Variants in IRGQ observed in about 807,000 individuals in gnomAD.
IRGQ encodes the protein immunity-related GTPase family Q protein.
IRGQ carries 5 observed loss-of-function variants against 10.5 expected under a neutral mutation model. The observed-to-expected ratio is 0.48, with a 90% CI of 0.25 to 1.00. The LOEUF is 1.00. Among genes scored for constraint, IRGQ ranks in the 50% least tolerant of loss-of-function variants. The pLI is 0.16. For missense variants in IRGQ, 792 were observed against 877.7 expected (o/e 0.90, Z 1.23); for synonymous variants, 418 against 426.0 (o/e 0.98, Z 0.23).
At position 43,591,090 on chromosome 19, in the gene IRGQ, C is replaced by G. The variant is rs951611014; in HGVS notation, c.*936G>C. On this transcript the variant is annotated 3_prime_UTR_variant, in exon 3 of 3. Transcript: ENST00000422989. ...GAGATCAAGAAGTCTCCAGCTTTCT[C>G]GCACAAGCCCCCGATCCCTCCTCCA... is the stretch of plus-strand genomic sequence containing the variant. 1.3e-5 allele frequency: 2 copies of G among 152,266 alleles called. No homozygotes were observed. The highest frequency in any genetic ancestry group is 2.9e-5 in the Non-Finnish European group (2 of 68,112). The allele number at this position is 152,266 out of a possible 1,614,324, so 9.4% of individuals were successfully genotyped here.
Position 43,592,687 on chromosome 19 carries a change from C to G in IRGQ, c.1211G>C (p.Gly404Ala), listed in dbSNP as rs1163987650. ...LQQVVGMKKS[G>A]GGDSERAAAL... ...AGCGGCCCGCTCTGAGTCGCCACCA[C>G]CTGATTTCTTCATGCCGACAACCTG... Residue 404 changes from glycine to alanine, a missense_variant, in exon 3 of 3, where the codon GGT (glycine) becomes GCT (alanine). By Grantham distance (60) the Gly-to-Ala change is moderately conservative. Coordinates refer to ENST00000422989, the MANE Select transcript of IRGQ (RefSeq NM_001007561.3). 1 of 1,608,162 alleles carries G rather than the reference C, an allele frequency of 6.2e-7. No homozygotes were observed. The highest frequency in any genetic ancestry group is 1.1e-5 in the South Asian group (1 of 91,090).
Position 43,586,635 on chromosome 19 carries a change from A to G in IRGQ, c.*5391T>C, listed in dbSNP as rs1033580030. ...GCAGAAAAATGAGGAGCACACTCCGAGCAAAGGCATGGGGGTGAGACAAAG... is the reference window on the plus strand; with the variant it reads ...GCAGAAAAATGAGGAGCACACTCCGGGCAAAGGCATGGGGGTGAGACAAAG... On this transcript the variant is annotated 3_prime_UTR_variant, in exon 3 of 3. Transcript: ENST00000422989. 6.6e-6 allele frequency: 1 copy of G among 152,272 alleles called. No individual in the cohort carries two copies. Among genetic ancestry groups the G allele is most frequent in the Admixed American group, 6.5e-5 (1 of 15,284 alleles). The allele number at this position is 152,272 out of a possible 1,614,324, so 9.4% of individuals were successfully genotyped here. A position where few individuals can be genotyped will look rare whatever the true frequency, so the allele number is the denominator to read the frequency against.
chr19:43,592,684 C>A lies in IRGQ; in HGVS notation c.1214G>T (p.Gly405Val), dbSNP rs1973076606. ...QQVVGMKKSG[G>V]GDSERAAALS... ...CGCAGCGGCCCGCTCTGAGTCGCCA[C>A]CACCTGATTTCTTCATGCCGACAAC... The change falls in exon 3 of 3, where the codon GGT becomes GTT. Residue 405 changes from glycine (G) to valine (V), a missense_variant. Coordinates refer to ENST00000422989, the MANE Select transcript of IRGQ (RefSeq NM_001007561.3). The A allele has an allele frequency of 3.7e-6, 6 of 1,607,818 alleles. No homozygotes were observed. The highest frequency in any genetic ancestry group is 5.1e-6 in the Non-Finnish European group (6 of 1,179,994).
In IRGQ at chr19:43,595,125, C is replaced by T; in HGVS notation, c.214G>A (p.Ala72Thr). ...AGTACCAGCACGTTGGCTTCCGCCG[C>T]CCAGGGCCCCGGCGCTGCGGGTGGG... is the stretch of plus-strand genomic sequence containing the variant. ...SCPPAAPGPW[A>T]AEANVLVLVL... The change falls in exon 2 of 3, where the codon GCG becomes ACG. Residue 72 changes from alanine (A) to threonine (T), a missense_variant. Ala to Thr is a moderately conservative substitution (Grantham distance 58). Coordinates refer to ENST00000422989, the MANE Select transcript of IRGQ (RefSeq NM_001007561.3). The T allele has an allele frequency of 6.2e-7, 1 of 1,600,112 alleles. No homozygotes were observed. The highest frequency in any genetic ancestry group is 8.5e-7 in the Non-Finnish European group (1 of 1,172,636).
In IRGQ at chr19:43,587,506, G is replaced by A. The variant is rs1397775414; in HGVS notation, c.*4520C>T. 1 of 152,192 alleles carries A rather than the reference G, an allele frequency of 6.6e-6. No individual in the cohort carries two copies. Among genetic ancestry groups the A allele is most frequent in the Non-Finnish European group, 1.5e-5 (1 of 68,048 alleles). The allele number at this position is 152,192 out of a possible 1,614,324, so 9.4% of individuals were successfully genotyped here. A position where few individuals can be genotyped will look rare whatever the true frequency, so the allele number is the denominator to read the frequency against. ...TTTATGAAATCAAAATAAAGGTCAA[G>A]CATTTCAGATAAAAATGTACCATGG... On this transcript the variant is annotated 3_prime_UTR_variant, in exon 3 of 3. Transcript: ENST00000422989.
chr19:43,592,903 T>G lies in IRGQ; in HGVS notation c.995A>C (p.Asp332Ala). 1 of 1,612,916 alleles carries G rather than the reference T, an allele frequency of 6.2e-7. No homozygotes were observed. The highest frequency in any genetic ancestry group is 8.5e-7 in the Non-Finnish European group (1 of 1,180,022). ...ACACTCCGGATCCTCGCCCTCGCCG[T>G]CTGTGCGCACGCAGACAAGAGGCGC... ...PDAPLVCVRT[D>A]GEGEDPECLG... Residue 332 changes from aspartate (D) to alanine (A), a missense_variant, in exon 3 of 3, where the codon GAC (aspartate) becomes GCC (alanine). Coordinates refer to ENST00000422989, the MANE Select transcript of IRGQ (RefSeq NM_001007561.3).
intron 2 of IRGQ, among the ~76,000 whole-genome samples, chr19:43,594,480 C>T (rs569591831): frequency 2.8e-4 from 42 of 151,888 alleles, no homozygotes; most frequent in African/African-American, 1.0e-3. Context: ...AGGTGGAGGC[C>T]GTCAGTGAGC....
chr19:43,595,112 T>C lies in IRGQ; in HGVS notation c.227A>G (p.Asn76Ser). The change falls in exon 2 of 3, where the codon AAC becomes AGC. Residue 76 changes from asparagine to serine, a missense_variant. By Grantham distance (46) the Asn-to-Ser change is conservative. Coordinates refer to ENST00000422989, the MANE Select transcript of IRGQ (RefSeq NM_001007561.3). Reference sequence around the variant, plus strand: ...TCCGGGCAGCACCAGTACCAGCACGTTGGCTTCCGCCGCCCAGGGCCCCGG... The same window carrying C: ...TCCGGGCAGCACCAGTACCAGCACGCTGGCTTCCGCCGCCCAGGGCCCCGG... ...AAPGPWAAEANVLVLVLPGPE... is the reference protein window; with the variant it reads ...AAPGPWAAEASVLVLVLPGPE... The C allele has an allele frequency of 1.2e-6, 2 of 1,603,630 alleles. No homozygotes were observed. Among genetic ancestry groups the C allele is most frequent in the Non-Finnish European group, 1.7e-6 (2 of 1,174,238 alleles).
chr19:43,592,544 G>C lies in IRGQ; in HGVS notation c.1354C>G (p.Pro452Ala), dbSNP rs777118770. The C allele has an allele frequency of 6.3e-6, 10 of 1,596,870 alleles. No individual in the cohort carries two copies. Among genetic ancestry groups the C allele is most frequent in the African/African-American group, 4.0e-5 (3 of 74,868 alleles). The change falls in exon 3 of 3, where the codon CCA becomes GCA. Residue 452 changes from proline (P) to alanine (A), a missense_variant. Physicochemically the swap from Pro to Ala is conservative, Grantham distance 27 (BLOSUM62 -1). Coordinates refer to ENST00000422989, the MANE Select transcript of IRGQ (RefSeq NM_001007561.3). ...LCEWLRRALP[P>A]AQAGALLLAL... ...AGCAGCAGTGCCCCTGCCTGGGCTG[G>C]GGGGAGCGCTCGCCGCAGCCATTCG...
rs1285588166 is a variant in IRGQ at position 43,585,821 on chromosome 19, C to T, written c.*6205G>A. The T allele has an allele frequency of 6.6e-6, 1 of 152,164 alleles. No homozygotes were observed. The highest frequency in any genetic ancestry group is 2.4e-5 in the African/African-American group (1 of 41,426). 9.4% of individuals were successfully genotyped at this position (152,164 alleles called of 1,614,324 possible). A position where few individuals can be genotyped will look rare whatever the true frequency, so the allele number is the denominator to read the frequency against. Reference sequence around the variant, plus strand: ...CTCTTGATCACAGCCCAGTTTTTCCCAGCGGATTCCCCACCATCCCTCCTA... The same window carrying T: ...CTCTTGATCACAGCCCAGTTTTTCCTAGCGGATTCCCCACCATCCCTCCTA... On this transcript the variant is annotated 3_prime_UTR_variant, in exon 3 of 3. Transcript: ENST00000422989.
chr19:43,592,144 C>A lies in IRGQ; in HGVS notation c.1754G>T (p.Gly585Val), dbSNP rs1204892863. Reference protein sequence around the residue: ...GALSFLWPAGGAAATGGLGYR... With the variant: ...GALSFLWPAGVAAATGGLGYR... ...GCCCAGGCCACCTGTCGCCGCTGCA[C>A]CACCCGCAGGCCACAGGAAGGAGAG... Residue 585 changes from glycine (G) to valine (V), a missense_variant, in exon 3 of 3, where the codon GGT becomes GTT. Physicochemically the swap from Gly to Val is moderately radical, Grantham distance 109 (BLOSUM62 -3). Coordinates refer to ENST00000422989, the MANE Select transcript of IRGQ (RefSeq NM_001007561.3). 2 of 1,610,202 alleles carry A rather than the reference C, an allele frequency of 1.2e-6. No homozygotes were observed. The highest frequency in any genetic ancestry group is 8.5e-7 in the Non-Finnish European group (1 of 1,179,666).
Position 43,592,022 on chromosome 19 carries a change from C to G in IRGQ, c.*4G>C. The G allele has an allele frequency of 6.3e-7, 1 of 1,581,188 alleles. No homozygotes were observed. The highest frequency in any genetic ancestry group is 8.6e-7 in the Non-Finnish European group (1 of 1,160,562). On this transcript the variant is annotated 3_prime_UTR_variant, in exon 3 of 3. Transcript: ENST00000422989. The stretch of plus-strand genomic sequence containing the variant: ...GTCTGGACTCCCAAGCCCCCTCCCA[C>G]TCCTCACTGGGCAGGCTCAGGGGGT...
intron 1 of IRGQ, 57 bp from the exon 2 acceptor site, chr19:43,595,397 C>A: frequency 6.8e-7 from 1 of 1,470,150 alleles, no homozygotes; most frequent in Non-Finnish European, 9.0e-7. Context: ...CTTTTCCTTT[C>A]CTAGCCGCCC....
rs576648051 is a variant in IRGQ at position 43,588,052 on chromosome 19, T to G, written c.*3974A>C. On this transcript the variant is annotated 3_prime_UTR_variant, in exon 3 of 3. Transcript: ENST00000422989. ...TAGAAAACTTGGCTTACTCAGCACT[T>G]TGGGAGGCTGAGGTGGGCAGATAAC... is the stretch of plus-strand genomic sequence containing the variant. The G allele has an allele frequency of 6.6e-6, 1 of 152,314 alleles. No homozygotes were observed. The highest frequency in any genetic ancestry group is 2.4e-5 in the African/African-American group (1 of 41,548). The allele number at this position is 152,314 out of a possible 1,614,324, so 9.4% of individuals were successfully genotyped here. A position where few individuals can be genotyped will look rare whatever the true frequency, so the allele number is the denominator to read the frequency against.
chr19:43,592,422 C>A lies in IRGQ; in HGVS notation c.1476G>T (p.Ala492=). The change falls in exon 3 of 3, where the codon GCG becomes GCT. Residue 492 remains alanine (A), a synonymous_variant. Transcript: ENST00000422989. ...CCAGCCCTGGGAGTGGTGCCGCCGC[C>A]GCCGCCAGACTAGCCAGCAGAGCTG... ...WRPALLASLA[A]AAAPLPGLGW... The A allele has an allele frequency of 5.1e-6, 8 of 1,576,578 alleles. No individual in the cohort carries two copies. The highest frequency in any genetic ancestry group is 6.8e-6 in the Non-Finnish European group (8 of 1,168,954).
chr19:43,592,820 C>A lies in IRGQ; in HGVS notation c.1078G>T (p.Gly360Trp), dbSNP rs1973079343. ...TTACTGAGTGCATTCTCCAATCCCC[C>A]TCCACCTGCGTTCTTTAAGCTCTCG... Reference protein sequence around the residue: ...KGESLKNAGGGGLENALSKGR... With the variant: ...KGESLKNAGGWGLENALSKGR... The change falls in exon 3 of 3, where the codon GGG (glycine) becomes TGG (tryptophan). Residue 360 changes from glycine to tryptophan, a missense_variant. By Grantham distance (184) the Gly-to-Trp change is radical. Coordinates refer to ENST00000422989, the MANE Select transcript of IRGQ (RefSeq NM_001007561.3). 3.7e-6 allele frequency: 6 copies of A among 1,613,982 alleles called. No homozygotes were observed. The South Asian group carries it at 6.6e-5, about 18-fold the overall frequency.
chr19:43,591,470 G>A lies in IRGQ; in HGVS notation c.*556C>T, dbSNP rs1194140898. The A allele has an allele frequency of 6.6e-6, 1 of 152,292 alleles. No individual in the cohort carries two copies. The highest frequency in any genetic ancestry group is 2.4e-5 in the African/African-American group (1 of 41,442). 9.4% of individuals were successfully genotyped at this position (152,292 alleles called of 1,614,324 possible). On this transcript the variant is annotated 3_prime_UTR_variant, in exon 3 of 3. Transcript: ENST00000422989. ...CAGTTTCTACTCCCTAGGAGACAAA[G>A]ACATAGTCCCTGCTAGAGTCTGGGC...
rs558418778 is a variant in IRGQ at position 43,585,515 on chromosome 19, T to G, written c.*6511A>C. The G allele has an allele frequency of 2.6e-5, 4 of 152,156 alleles. No individual in the cohort carries two copies. Among genetic ancestry groups the G allele is most frequent in the Non-Finnish European group, 5.9e-5 (4 of 68,070 alleles). The allele number at this position is 152,156 out of a possible 1,614,324, so 9.4% of individuals were successfully genotyped here. A position where few individuals can be genotyped will look rare whatever the true frequency, so the allele number is the denominator to read the frequency against. On this transcript the variant is annotated 3_prime_UTR_variant, in exon 3 of 3. Transcript: ENST00000422989. ...CTGGCCTCCCAAAGTGCTGGGATTA[T>G]AGGTGTGAGCCACCACACCCGGCCG...
At position 43,594,880 on chromosome 19, in the gene IRGQ, G is replaced by C; in HGVS notation, c.459C>G (p.Gly153=). 6.2e-7 allele frequency: 1 copy of C among 1,613,834 alleles called. No homozygotes were observed. The highest frequency in any genetic ancestry group is 1.1e-5 in the South Asian group (1 of 91,086). Residue 153 remains glycine (G), a synonymous_variant, in exon 2 of 3, where the codon GGC becomes GGG. Transcript: ENST00000422989. ...ADLFVLPANC[G]SSDGCEELER... is the part of the protein sequence containing the mutation. ...CTAGCTCCTCGCAGCCGTCGCTGCT[G>C]CCGCAGTTCGCCGGTAGCACAAACA...
Sources: gnomAD v4.1 joint callset for allele counts (sites outside exome capture counted in the v4.1 genomes callset) on GRCh38, gnomAD v4.1.1 for gene constraint, MANE v1.5 for transcripts, NCBI Gene and HGNC (gene_info 2026-07-23, HGNC 2026-07-21) for gene names.